DOCK10: variants seen among roughly 807,000 people sequenced by gnomAD.
DOCK10 encodes dedicator of cytokinesis protein 10.
In DOCK10, 145 loss-of-function variants were observed where a neutral mutation model predicts 280.1. The ratio of observed to expected loss-of-function variants is 0.52; its 90% CI spans 0.45 to 0.59. The LOEUF (loss-of-function observed/expected upper bound fraction) is 0.59. Ranked by LOEUF, DOCK10 falls within the 20% of genes least tolerant of loss-of-function variation. The probability of loss-of-function intolerance (pLI) is 0.00; values close to 1 mark genes in which losing one functional copy is unlikely to be tolerated. For missense variants in DOCK10, 2,368 were observed against 2,651.7 expected (o/e 0.89, Z 2.35); for synonymous variants, 915 against 942.2 (o/e 0.97, Z 0.53).
intron 22 of DOCK10, among the ~76,000 whole-genome samples, chr2:224,843,558 C>T (rs1696125112): frequency 6.6e-6 from 1 of 151,742 alleles, no homozygotes; most frequent in Admixed American, 6.6e-5. Context: ...TCAGAGGTTG[C>T]CGAGAGAAAT....
chr2:224,818,905 G>C (rs1397883732), intron 29 of DOCK10, among the ~76,000 whole-genome samples: 4 of 152,110 alleles, frequency 2.6e-5, no homozygotes, highest in Non-Finnish European at 5.9e-5. Context: ...CCATAGCTCA[G>C]TGGTTCTCAA....
chr2:224,901,027 T>C (rs1700269945), intron 3 of DOCK10, among the ~76,000 whole-genome samples: 1 of 152,202 alleles, frequency 6.6e-6, no homozygotes, highest in Admixed American at 6.5e-5. Flanking sequence ...AAATCTGTGA[T>C]TTCTGTGATT....
chr2:224,914,108 T>C (rs1360517267), intron 3 of DOCK10, among the ~76,000 whole-genome samples: 8 of 152,224 alleles, frequency 5.3e-5, no homozygotes, highest in South Asian at 4.1e-4. Context: ...ATATGAGATA[T>C]GGACACAACT....
intron 1 of DOCK10, among the ~76,000 whole-genome samples, chr2:224,954,887 A>T (rs951478336): frequency 2.0e-5 from 3 of 152,214 alleles, no homozygotes; most frequent in Non-Finnish European, 4.4e-5. Context: ...GCTGAAGCAG[A>T]TTTCTTCCAC....
chr2:224,909,679 G>A (rs771835280), intron 3 of DOCK10, among the ~76,000 whole-genome samples: 3 of 152,060 alleles, frequency 2.0e-5, no homozygotes, highest in Non-Finnish European at 4.4e-5. Context: ...TTCACTCAGA[G>A]CCTGTTTTCT....
chr2:224,889,075 G>A (rs1028184691), intron 4 of DOCK10, among the ~76,000 whole-genome samples: 1 of 152,206 alleles, frequency 6.6e-6, no homozygotes, highest in East Asian at 1.9e-4. Context: ...ATAATAAAAC[G>A]GTATTTGTTT....
intron 14 of DOCK10, 109 bp downstream of exon 14, chr2:224,862,555 G>T: frequency 1.2e-6 from 1 of 811,620 alleles, no homozygotes; most frequent in East Asian, 2.7e-5. Context: ...GGATTTTCTA[G>T]GTGTAGACAC....
intron 4 of DOCK10, among the ~76,000 whole-genome samples, chr2:224,894,974 C>T (rs1245260859): frequency 2.6e-5 from 4 of 152,176 alleles, no homozygotes; most frequent in African/African-American, 7.2e-5. Flanking sequence ...CACAGGGTCC[C>T]TTGCCTAAGG....
At chr2:224,862,412 A>G (rs1697566936) in intron 14 of DOCK10, 1 of 339,946 alleles carries the variant, frequency 2.9e-6, no homozygotes, top group Non-Finnish European at 5.4e-6. Context: ...ATCTACCAAG[A>G]ACCCATAGCA....
chr2:224,941,679 A>C (rs1258635910), intron 1 of DOCK10, among the ~76,000 whole-genome samples: 1 of 152,022 alleles, frequency 6.6e-6, no homozygotes, highest in African/African-American at 2.4e-5. Flanking sequence ...CCCCGTCTCT[A>C]CTAAAAATAC....
intron 1 of DOCK10, among the ~76,000 whole-genome samples, chr2:224,955,608 T>TA (rs1418729842): frequency 6.6e-6 from 1 of 152,258 alleles, no homozygotes; most frequent in Non-Finnish European, 1.5e-5. Context: ...GCTAATACAA[T>TA]ACTTTGATTT....
intron 24 of DOCK10, among the ~76,000 whole-genome samples, chr2:224,839,477 T>C (rs887228764): frequency 1.3e-5 from 2 of 152,192 alleles, no homozygotes; most frequent in African/African-American, 4.8e-5. Flanking sequence ...AGGTGAATAA[T>C]TAAACATATG....
chr2:224,937,704 A>G (rs1702768359), intron 1 of DOCK10, among the ~76,000 whole-genome samples: 1 of 152,196 alleles, frequency 6.6e-6, no homozygotes, highest in Non-Finnish European at 1.5e-5. Context: ...AATGAAAGTG[A>G]CTTTGAAATT....
intron 1 of DOCK10, among the ~76,000 whole-genome samples, chr2:224,960,895 G>A (rs1479612204): frequency 6.6e-6 from 1 of 151,650 alleles, no homozygotes; most frequent in Non-Finnish European, 1.5e-5. Context: ...GCGCGCCACC[G>A]CGCCCGGCTA....
intron 21 of DOCK10, 40 bp from the exon 22 acceptor site, chr2:224,844,879 G>A (rs751308859): frequency 1.5e-6 from 2 of 1,356,188 alleles, no homozygotes; most frequent in Admixed American, 1.9e-5. Context: ...GGGACAATTC[G>A]AGAGAAAGAA....
chr2:225,026,055 C>G (rs1689912504), intron 1 of DOCK10, among the ~76,000 whole-genome samples: 1 of 151,932 alleles, frequency 6.6e-6, no homozygotes, highest in African/African-American at 2.4e-5. Flanking sequence ...TTAGTTGGGT[C>G]TTGAAAGGCA....
chr2:224,807,698 C>T lies in DOCK10; in HGVS notation c.3672G>A (p.Leu1224=). 6.4e-7 allele frequency: 1 copy of T among 1,568,998 alleles called. No individual in the cohort carries two copies. The highest frequency in any genetic ancestry group is 8.7e-7 in the Non-Finnish European group (1 of 1,154,876). The change falls in exon 33 of 56, where the codon CTG becomes CTA. Residue 1224 remains leucine, a synonymous_variant. Transcript: ENST00000258390. The part of the protein sequence containing the change: ...DNMPRIYLKD[L]YPFTVNTSNQ... ...TAGATGTATTGACAGTAAAAGGATACAGGTCCTTCAGATAAATCCTTGGCA... is the reference window on the plus strand; with the variant it reads ...TAGATGTATTGACAGTAAAAGGATATAGGTCCTTCAGATAAATCCTTGGCA...
chr2:225,012,960 T>C (rs1428149816), intron 1 of DOCK10, among the ~76,000 whole-genome samples: 1 of 152,196 alleles, frequency 6.6e-6, no homozygotes, highest in Non-Finnish European at 1.5e-5. Context: ...ACCACTTCGC[T>C]ATGATGGCAG....
At chr2:225,002,692 G>C (rs1360669901) in intron 1 of DOCK10, among the ~76,000 whole-genome samples, 1 of 152,170 alleles carries the variant, frequency 6.6e-6, no homozygotes. Flanking sequence ...TATGCAGAAA[G>C]AAAAAAGCCA....
Sources: gnomAD v4.1 joint callset for allele counts (sites outside exome capture counted in the v4.1 genomes callset) on GRCh38, gnomAD v4.1.1 for gene constraint, MANE v1.5 for transcripts, NCBI Gene and HGNC (gene_info 2026-07-23, HGNC 2026-07-21) for gene names.